AMOTL1: variants seen among roughly 807,000 people sequenced by gnomAD.
The protein encoded by AMOTL1 is angiomotin like 1.
AMOTL1 carries 45 observed loss-of-function variants against 102.9 expected under a neutral mutation model. The observed-to-expected ratio is 0.44, with a 90% CI of 0.34 to 0.56. The LOEUF (loss-of-function observed/expected upper bound fraction) is 0.56. AMOTL1 is among the 20% of genes least tolerant of loss of function. AMOTL1 has a pLI of 0.01. For synonymous variants in AMOTL1, 481 were observed against 484.7 expected (o/e 0.99, Z 0.10); for missense variants, 1,114 against 1,225.6 (o/e 0.91, Z 1.36).
intron 1 of AMOTL1, among the ~76,000 whole-genome samples, chr11:94,720,845 G>A (rs1013060343): frequency 2.0e-5 from 3 of 152,108 alleles, no homozygotes; most frequent in Non-Finnish European, 4.4e-5. Context: ...GGGGTGCCTA[G>A]GGATTGAAGG....
intron 1 of AMOTL1, among the ~76,000 whole-genome samples, chr11:94,783,130 T>C (rs1951135409): frequency 1.3e-5 from 2 of 152,202 alleles, no homozygotes; most frequent in Non-Finnish European, 2.9e-5. Context: ...CCATAGACTC[T>C]AGAGCCAGGC....
intron 12 of AMOTL1, 131 bp downstream of exon 12, chr11:94,869,604 G>A: frequency 1.9e-6 from 2 of 1,049,478 alleles, no homozygotes; most frequent in Non-Finnish European, 2.7e-6. Flanking sequence ...CTATTCTAAT[G>A]CACTTAGGAT....
At chr11:94,850,605 G>A (rs997971341) in intron 7 of AMOTL1, among the ~76,000 whole-genome samples, 5 of 152,178 alleles carry the variant, frequency 3.3e-5, no homozygotes, top group African/African-American at 1.2e-4. Context: ...AGTGTTATGA[G>A]GTAGCCTTTT....
At chr11:94,823,970 C>T (rs577987663) in intron 4 of AMOTL1, among the ~76,000 whole-genome samples, 19 of 152,138 alleles carry the variant, frequency 1.2e-4, no homozygotes, top group Non-Finnish European at 2.5e-4. Flanking sequence ...CCGCCCACCT[C>T]GGCCTCCCAA....
intron 3 of AMOTL1, among the ~76,000 whole-genome samples, chr11:94,754,294 C>T (rs550197131): frequency 3.3e-5 from 5 of 152,262 alleles, no homozygotes; most frequent in African/African-American, 7.2e-5. Context: ...CAGTGTGACC[C>T]GAACGGCATC....
intron 6 of AMOTL1, 147 bp from the exon 7 acceptor site, chr11:94,849,967 C>A: frequency 9.7e-7 from 1 of 1,028,646 alleles, no homozygotes; most frequent in Non-Finnish European, 1.4e-6. Context: ...CATACCACCA[C>A]TATGAAAAGG....
chr11:94,812,608 A>G (rs1161080852), intron 3 of AMOTL1, among the ~76,000 whole-genome samples: 1 of 152,304 alleles, frequency 6.6e-6, no homozygotes, highest in African/African-American at 2.4e-5. Flanking sequence ...AGGAAAGTAT[A>G]TAGTTTTTTG....
chr11:94,762,234 A>G (rs1043517357), intron 3 of AMOTL1, among the ~76,000 whole-genome samples: 1 of 152,262 alleles, frequency 6.6e-6, no homozygotes. Flanking sequence ...ATGCAATTAG[A>G]TTCACCCAGT....
At chr11:94,852,664 C>T (rs1952567933) in intron 7 of AMOTL1, among the ~76,000 whole-genome samples, 1 of 152,174 alleles carries the variant, frequency 6.6e-6, no homozygotes, top group Admixed American at 6.5e-5. Context: ...GTGACATTTC[C>T]ATAAATTATT....
At chr11:94,748,514 T>C (rs145116880) in intron 3 of AMOTL1, among the ~76,000 whole-genome samples, 59 of 152,300 alleles carry the variant, frequency 3.9e-4, no homozygotes, top group Admixed American at 6.5e-4. Flanking sequence ...GAGAAAGAGA[T>C]GCTGGATGAC....
chr11:94,847,494 CCTTTATA>C (rs1191739084), intron 6 of AMOTL1, among the ~76,000 whole-genome samples: 1 of 152,020 alleles, frequency 6.6e-6, no homozygotes, highest in Non-Finnish European at 1.5e-5. Context: ...CAAACAAAGT[CCTTTATA>C]CTTTATAAGC....
intron 3 of AMOTL1, among the ~76,000 whole-genome samples, chr11:94,754,418 T>C (rs888364390): frequency 1.3e-5 from 2 of 152,222 alleles, no homozygotes; most frequent in Non-Finnish European, 2.9e-5. Context: ...TTCTCTCCCA[T>C]ACAAACCCAG....
intron 1 of AMOTL1, among the ~76,000 whole-genome samples, chr11:94,775,782 T>G (rs1951019463): frequency 6.6e-6 from 1 of 152,172 alleles, no homozygotes; most frequent in Non-Finnish European, 1.5e-5. Context: ...AGGGACACAT[T>G]TTTGAATGAA....
At chr11:94,706,980 T>C (rs929441559) in intron 1 of AMOTL1, among the ~76,000 whole-genome samples, 7 of 152,118 alleles carry the variant, frequency 4.6e-5, no homozygotes, top group Non-Finnish European at 8.8e-5. Context: ...CTGATTCTTA[T>C]AAAATATGTG....
At chr11:94,732,644 G>A (rs1950372578) in intron 2 of AMOTL1, among the ~76,000 whole-genome samples, 1 of 152,216 alleles carries the variant, frequency 6.6e-6, no homozygotes, top group South Asian at 2.1e-4. Context: ...GCCATATCAA[G>A]TATGTGGGGA....
At chr11:94,769,059 G>T (rs1450319778) in intron 1 of AMOTL1, among the ~76,000 whole-genome samples, 1 of 152,098 alleles carries the variant, frequency 6.6e-6, no homozygotes, top group African/African-American at 2.4e-5. Flanking sequence ...CGGCTCTGGC[G>T]GGTGGGGGCG....
Position 94,799,720 on chromosome 11 carries a change from G to C in AMOTL1, c.530G>C (p.Arg177Pro). ...AATACGGTGATGGAGAAACAGGTCC[G>C]GTCCACGCAGCCTCAGCAGAACAAC... ...VDNTVMEKQV[R>P]STQPQQNNEE... The change falls in exon 3 of 13, where the codon CGG (arginine) becomes CCG (proline). Residue 177 changes from arginine to proline, a missense_variant. Physicochemically the swap from Arg to Pro is moderately radical, Grantham distance 103. Coordinates refer to ENST00000433060, the MANE Select transcript of AMOTL1 (RefSeq NM_130847.3). This position sits in a 1 kb window ranked among gnomAD's most constrained non-coding sequence, Gnocchi z 4.5. The C allele has an allele frequency of 1.2e-6, 2 of 1,613,482 alleles. No homozygotes were observed. The highest frequency in any genetic ancestry group is 2.2e-5 in the South Asian group (2 of 91,036).
intron 3 of AMOTL1, among the ~76,000 whole-genome samples, chr11:94,747,889 TAC>T (rs1471190431): frequency 6.6e-6 from 1 of 152,170 alleles, no homozygotes; most frequent in African/African-American, 2.4e-5. Flanking sequence ...GGAGGCAAAA[TAC>T]TCACTTCTCC....
At chr11:94,832,687 G>C (rs1159300550) in intron 6 of AMOTL1, among the ~76,000 whole-genome samples, 3 of 152,170 alleles carry the variant, frequency 2.0e-5, no homozygotes, top group Non-Finnish European at 4.4e-5. Flanking sequence ...ATCTCTTCCT[G>C]TGGGTGCAAT....
Sources: allele counts gnomAD v4.1 joint callset (sites outside exome capture counted in the v4.1 genomes callset), GRCh38; gene constraint gnomAD v4.1.1; non-coding constraint Gnocchi (gnomAD v3.1); transcripts MANE v1.5; gene names NCBI Gene and HGNC (gene_info 2026-07-23, HGNC 2026-07-21).